GON4L: variants seen among roughly 807,000 people sequenced by gnomAD.
GON4L encodes the protein gon-4 like.
Under a neutral mutation model 211.8 loss-of-function variants are expected in GON4L, and 87 were observed. The ratio of observed to expected loss-of-function variants is 0.41; its 90% CI spans 0.35 to 0.49. The LOEUF is 0.49. Ranked by LOEUF, GON4L falls within the 20% of genes least tolerant of loss-of-function variation. The probability of loss-of-function intolerance (pLI) is 0.15; values close to 1 mark genes in which losing one functional copy is unlikely to be tolerated. For missense variants in GON4L, 2,155 were observed against 2,659.5 expected (o/e 0.81, Z 4.17); for synonymous variants, 875 against 962.6 (o/e 0.91, Z 1.68).
intron 9 of GON4L, 138 bp downstream of exon 9, chr1:155,814,192 T>C (rs979663284): frequency 5.4e-5 from 50 of 921,446 alleles, no homozygotes; most frequent in Non-Finnish European, 8.7e-5. Context: ...TAGCCTTCTC[T>C]GAACTGTTTA....
intron 14 of GON4L, among the ~76,000 whole-genome samples, chr1:155,781,906 G>A (rs970948632): frequency 3.3e-5 from 5 of 152,062 alleles, no homozygotes; most frequent in African/African-American, 1.2e-4. Flanking sequence ...ACAGGCGTGT[G>A]CCACCACACC....
chr1:155,760,650 G>A lies in GON4L; in HGVS notation c.4912-9C>T. 6.3e-7 allele frequency: 1 copy of A among 1,594,284 alleles called. No individual in the cohort carries two copies. Among genetic ancestry groups the A allele is most frequent in the Non-Finnish European group, 8.6e-7 (1 of 1,162,058 alleles). On this transcript the variant is annotated splice_polypyrimidine_tract_variant and intron_variant, in intron 23 of 31. Transcript: ENST00000368331. ...TGTAGGGCTTCTCGCACCTACACGG[G>A]AAGACTTTCAATCATCAACACCCTT...
At chr1:155,810,291 G>A (rs1010252912) in intron 10 of GON4L, among the ~76,000 whole-genome samples, 5 of 151,458 alleles carry the variant, frequency 3.3e-5, no homozygotes, top group African/African-American at 4.9e-5. Context: ...ACCACACCCA[G>A]CCTTAATTAT....
At chr1:155,857,766 G>C (rs1672409042), upstream of GON4L, among the ~76,000 whole-genome samples, 2 of 151,916 alleles carry the variant, frequency 1.3e-5, no homozygotes, top group South Asian at 4.1e-4. Flanking sequence ...TTCTCACTAC[G>C]AGTCACCTGG....
Position 155,749,855 on chromosome 1 carries a change from T to C in GON4L, c.*729A>G. ...AGTCTACTAAGGTTGGACTTCCTTA[T>C]CAGTTTGGCGAGTCCCAGGGCAGAA... On this transcript the variant is annotated 3_prime_UTR_variant, in exon 32 of 32. Coordinates refer to ENST00000368331, the MANE Select transcript of GON4L (RefSeq NM_001282860.2). 6.2e-7 allele frequency: 1 copy of C among 1,601,934 alleles called. No individual in the cohort carries two copies. The highest frequency in any genetic ancestry group is 2.2e-5 in the East Asian group (1 of 44,632).
chr1:155,752,494 G>A lies in GON4L; in HGVS notation c.5939C>T (p.Thr1980Ile), dbSNP rs1278344128. The part of the protein sequence containing the change: ...LDGPPPHSPE[T>I]PQFPPTTGAV... ...TCCAGTTGTGGGGGGAAATTGAGGAGTCTCTGGTGAATGAGGTGGTGGGCC... is the reference window on the plus strand; with the variant it reads ...TCCAGTTGTGGGGGGAAATTGAGGAATCTCTGGTGAATGAGGTGGTGGGCC... Residue 1980 changes from threonine to isoleucine, a missense_variant, in exon 30 of 32, where the codon ACT (threonine) becomes ATT (isoleucine). This residue lies in a region of GON4L where 455 missense variants were observed against 504.6 expected (regional missense o/e 0.90). Transcript: ENST00000368331. 1.3e-6 allele frequency: 2 copies of A among 1,586,508 alleles called. No homozygotes were observed. Among genetic ancestry groups the A allele is most frequent in the Admixed American group, 1.8e-5 (1 of 54,500 alleles).
intron 17 of GON4L, 66 bp downstream of exon 17, chr1:155,774,936 T>C (rs1663622645): frequency 6.2e-7 from 1 of 1,603,774 alleles, no homozygotes; most frequent in Non-Finnish European, 8.5e-7. Context: ...TAGTTATCTA[T>C]GGGATAAGAT....
At chr1:155,783,218 T>G (rs541254580) in intron 14 of GON4L, among the ~76,000 whole-genome samples, 1 of 152,344 alleles carries the variant, frequency 6.6e-6, no homozygotes, top group South Asian at 2.1e-4. Context: ...GGTTGGCATA[T>G]CTTATCTTTT....
In GON4L at chr1:155,811,119, G is replaced by A. The variant is rs182203632; in HGVS notation, c.1452+2515C>T. 9.5e-4 allele frequency among the ~76,000 whole-genome samples: 144 copies of A among 152,152 alleles called. 2 individuals carry two copies. The East Asian group carries it at 0.023, about 24-fold the overall frequency. On this transcript the variant is annotated intron_variant, in intron 10 of 31. Transcript: ENST00000368331. ...TTCAAGAAAGAAAATCAGGCCAAGC[G>A]TGGTGGTTCACGCCCGTAATCCCAG... is the stretch of plus-strand genomic sequence containing the variant.
intron 12 of GON4L, among the ~76,000 whole-genome samples, chr1:155,792,656 A>C (rs1665715896): frequency 6.6e-6 from 1 of 152,232 alleles, no homozygotes; most frequent in African/African-American, 2.4e-5. Flanking sequence ...CAAAAAGGGA[A>C]GGCAAATATA....
intron 30 of GON4L, 22 bp from the exon 31 acceptor site, chr1:155,751,891 T>C: frequency 6.2e-7 from 1 of 1,611,842 alleles, no homozygotes; most frequent in South Asian, 1.1e-5. Flanking sequence ...GTATCATGAT[T>C]AACCCTAGGG....
intron 19 of GON4L, among the ~76,000 whole-genome samples, chr1:155,768,318 A>AAAT (rs1384461210): frequency 6.7e-6 from 1 of 150,326 alleles, no homozygotes; most frequent in Non-Finnish European, 1.5e-5. Context: ...TCAAAAAAAA[A>AAAT]AAAAAAGAAT....
chr1:155,829,337 G>A (rs1376609412), intron 2 of GON4L, among the ~76,000 whole-genome samples: 1 of 152,150 alleles, frequency 6.6e-6, no homozygotes, highest in Non-Finnish European at 1.5e-5. Context: ...CAGGCATGGT[G>A]GTTCACACCT....
At chr1:155,793,613 T>C (rs1277974224) in intron 12 of GON4L, among the ~76,000 whole-genome samples, 1 of 152,190 alleles carries the variant, frequency 6.6e-6, no homozygotes, top group African/African-American at 2.4e-5. Context: ...TAGCCAATGA[T>C]ATAATTTTTT....
intron 6 of GON4L, among the ~76,000 whole-genome samples, chr1:155,818,187 T>C (rs1668422979): frequency 6.6e-6 from 1 of 151,936 alleles, no homozygotes; most frequent in Non-Finnish European, 1.5e-5. Flanking sequence ...AGTGGCATGG[T>C]CTCCGCTCAC....
chr1:155,830,619 C>T (rs1192092834), intron 2 of GON4L, among the ~76,000 whole-genome samples: 1 of 152,036 alleles, frequency 6.6e-6, no homozygotes. Context: ...CAGGGTCTCG[C>T]TCTGTCCCCT....
Position 155,754,403 on chromosome 1 carries a change from C to G in GON4L, c.5603G>C (p.Arg1868Thr), listed in dbSNP as rs780455686. The change falls in exon 28 of 32, where the codon AGG becomes ACG. Residue 1868 changes from arginine to threonine, a missense_variant. Physicochemically the swap from Arg to Thr is moderately conservative, Grantham distance 71. Coordinates refer to ENST00000368331, the MANE Select transcript of GON4L (RefSeq NM_001282860.2). ...GCTGCTACAGTGGCTACAGCTCCGC[C>G]TTTTGCTCTTCTTCAGCTTGGAATC... Reference protein sequence around the residue: ...GPDSKLKKSKRRSCSHCSSKV... With the variant: ...GPDSKLKKSKTRSCSHCSSKV... The G allele has an allele frequency of 6.2e-7, 1 of 1,612,678 alleles. No individual in the cohort carries two copies. Among genetic ancestry groups the G allele is most frequent in the South Asian group, 1.1e-5 (1 of 91,068 alleles).
chr1:155,784,209 AAG>A, intron 13 of GON4L, 120 bp from the exon 14 acceptor site: 1 of 1,357,076 alleles, frequency 7.4e-7, no homozygotes, highest in Non-Finnish European at 1.0e-6. Context: ...GGCACCCAGA[AAG>A]AGCCAATGTC....
rs1316461575 is a variant in GON4L, at chr1:155,763,366, T to A, written c.4672A>T (p.Thr1558Ser). 1 of 1,613,442 alleles carries A rather than the reference T, an allele frequency of 6.2e-7. No homozygotes were observed. Among genetic ancestry groups the A allele is most frequent in the Middle Eastern group, 1.6e-4 (1 of 6,078 alleles). ...GGAGCAGTCTCAGGTGAAGCAAAAGTAGGAGGCTTCTCAGCAGAGTCTCCA... is the reference window on the plus strand; with the variant it reads ...GGAGCAGTCTCAGGTGAAGCAAAAGAAGGAGGCTTCTCAGCAGAGTCTCCA... ...AVGDSAEKPP[T>S]FASPETAPEV... Residue 1558 changes from threonine (T) to serine (S), a missense_variant, in exon 22 of 32, where the codon ACT (threonine) becomes TCT (serine). This residue lies in a region of GON4L where 455 missense variants were observed against 504.6 expected (regional missense o/e 0.90). Coordinates refer to ENST00000368331, the MANE Select transcript of GON4L (RefSeq NM_001282860.2).
Sources: allele counts gnomAD v4.1 joint callset (sites outside exome capture counted in the v4.1 genomes callset), GRCh38; gene constraint gnomAD v4.1.1; regional missense constraint gnomAD v4.1.1; transcripts MANE v1.5; gene names NCBI Gene and HGNC (gene_info 2026-07-23, HGNC 2026-07-21).